The following MCM5 variants were observed in gnomAD, a reference collection of about 807,000 sequenced individuals.
MCM5 encodes DNA replication licensing factor MCM5.
MCM5 carries 46 observed loss-of-function variants against 79.9 expected under a neutral mutation model. The observed-to-expected ratio is 0.58, with a 90% CI of 0.45 to 0.74. The LOEUF is 0.74. Among genes scored for constraint, MCM5 ranks in the 30% least tolerant of loss-of-function variants. MCM5 has a pLI of 0.00. For missense variants in MCM5, 883 were observed against 1,017.0 expected, an observed-to-expected ratio of 0.87 and a Z score of 1.79; for synonymous variants, 404 against 390.5, an observed-to-expected ratio of 1.03 and a Z score of -0.41.
At chr22:35,403,831 TA>T (rs1932133930) in intron 4 of MCM5, among the ~76,000 whole-genome samples, 1 of 152,088 alleles carries the variant, frequency 6.6e-6, no homozygotes, top group Non-Finnish European at 1.5e-5. Flanking sequence ...AATTTTAAAG[TA>T]AATTCATGCA....
rs200883424 is a variant in MCM5, at chr22:35,415,884, G to C, written c.1259G>C (p.Arg420Thr). The C allele has an allele frequency of 1.0e-4, 162 of 1,614,134 alleles. No individual in the cohort carries two copies. Among genetic ancestry groups the C allele is most frequent in the East Asian group, 1.6e-4 (7 of 44,886 alleles). ...GCTGGACTGACAGCCTCGGTGATGA[G>C]GGACCCTTCGTCCCGGAATTTCATC... ...SAAGLTASVM[R>T]DPSSRNFIME... The change falls in exon 10 of 17, where the codon AGG becomes ACG. Residue 420 changes from arginine (R) to threonine (T), a missense_variant. Arg to Thr is a moderately conservative substitution (Grantham distance 71). Coordinates refer to ENST00000216122, the MANE Select transcript of MCM5 (RefSeq NM_006739.4).
At chr22:35,408,597 G>C in intron 6 of MCM5, 34 bp downstream of exon 6, 1 of 1,588,210 alleles carries the variant, frequency 6.3e-7, no homozygotes, top group Non-Finnish European at 8.6e-7. Flanking sequence ...GGGCATCTAC[G>C]ACGGTGGATG....
At chr22:35,404,111 C>T (rs1932143944) in intron 4 of MCM5, among the ~76,000 whole-genome samples, 2 of 151,790 alleles carry the variant, frequency 1.3e-5, no homozygotes, top group South Asian at 4.2e-4. Context: ...GACCCTGTCT[C>T]TAAAAATAAA....
chr22:35,405,755 A>G (rs1269700093), intron 4 of MCM5, among the ~76,000 whole-genome samples: 4 of 152,082 alleles, frequency 2.6e-5, no homozygotes, highest in Non-Finnish European at 4.4e-5. Flanking sequence ...CATGCCTGTA[A>G]TCCCAGCATT....
chr22:35,438,905 A>G, the MCM5 span, among the ~76,000 whole-genome samples: 1 of 149,574 alleles, frequency 6.7e-6, no homozygotes. Flanking sequence ...ATATCCATCC[A>G]TCCACTCACA....
At chr22:35,400,682 G>C in intron 2 of MCM5, 77 bp downstream of exon 2, 2 of 1,452,832 alleles carry the variant, frequency 1.4e-6, no homozygotes, top group Non-Finnish European at 1.8e-6. Flanking sequence ...CTAGAGTCCT[G>C]GACAGTCAGG....
chr22:35,407,362 C>G (rs1472689777), intron 5 of MCM5, among the ~76,000 whole-genome samples: 1 of 152,116 alleles, frequency 6.6e-6, no homozygotes, highest in Non-Finnish European at 1.5e-5. Flanking sequence ...CCTCCCTGAT[C>G]CCCCGCGTCC....
rs770444661 is a variant in MCM5, at chr22:35,421,284, C to T, written c.1833-34C>T. On this transcript the variant is annotated intron_variant, in intron 14 of 16. Coordinates refer to ENST00000216122, the MANE Select transcript of MCM5 (RefSeq NM_006739.4). ...GCTGGGGAGGAAGGGAATAGCGGAC[C>T]GAGGCTACCCTGAGCACGCTGTTGC... 16 of 1,597,956 alleles carry T rather than the reference C, an allele frequency of 1.0e-5. No homozygotes were observed. The East Asian group carries it at 1.3e-4, about 13-fold the overall frequency.
the MCM5 span, among the ~76,000 whole-genome samples, chr22:35,440,840 C>T: frequency 6.6e-6 from 1 of 152,128 alleles, no homozygotes; most frequent in East Asian, 1.9e-4. Context: ...GGCCAATCAC[C>T]TGAGGTCAGG....
chr22:35,410,905 G>A lies in MCM5; in HGVS notation c.914G>A (p.Gly305Asp). The A allele has an allele frequency of 1.3e-6, 2 of 1,595,514 alleles. No individual in the cohort carries two copies. The highest frequency in any genetic ancestry group is 1.7e-6 in the Non-Finnish European group (2 of 1,167,956). Residue 305 changes from glycine to aspartate, a missense_variant, in exon 7 of 17, where the codon GGC (glycine) becomes GAC (aspartate). By Grantham distance (94) the Gly-to-Asp change is moderately conservative. This residue lies in a region of MCM5 where 455 missense variants were observed against 517.5 expected (regional missense o/e 0.88). Coordinates refer to ENST00000216122, the MANE Select transcript of MCM5 (RefSeq NM_006739.4). The part of the protein sequence containing the change: ...RVLGIQVDTD[G>D]SGRSFAGAVS... Reference sequence around the variant, plus strand: ...CTGGGCATCCAGGTGGACACAGATGGCTCTGGTGAGTTGGCTTTGGGGTCC... The same window carrying A: ...CTGGGCATCCAGGTGGACACAGATGACTCTGGTGAGTTGGCTTTGGGGTCC...
chr22:35,405,089 G>C (rs1036112026), intron 4 of MCM5, among the ~76,000 whole-genome samples: 2 of 143,708 alleles, frequency 1.4e-5, no homozygotes, highest in African/African-American at 5.2e-5. Context: ...GCAGTGGCAC[G>C]ATCTCAGCTC....
At chr22:35,427,861 G>A (rs1932788021), downstream of MCM5, among the ~76,000 whole-genome samples, 1 of 152,022 alleles carries the variant, frequency 6.6e-6, no homozygotes, top group African/African-American at 2.4e-5. Context: ...ATATGAGGCA[G>A]TAAAGCACAG....
At chr22:35,449,551 G>A in the MCM5 span, among the ~76,000 whole-genome samples, 63,256 of 150,326 alleles carry the variant, frequency 0.42, 14,520 homozygotes, top group Middle Eastern at 0.55. Context: ...TGTCCCAACC[G>A]TGGCCTCTTT....
the MCM5 span, among the ~76,000 whole-genome samples, chr22:35,434,274 CT>C: frequency 6.6e-6 from 1 of 152,216 alleles, no homozygotes; most frequent in Admixed American, 6.5e-5. Flanking sequence ...AAAAAAAGCC[CT>C]TTTTTTCCCT....
chr22:35,445,325 C>CTTTTTTTTTT, the MCM5 span, among the ~76,000 whole-genome samples: 43 of 83,638 alleles, frequency 5.1e-4, 1 homozygote, highest in South Asian at 1.3e-3. Context: ...TTTGACTATG[C>CTTTTTTTTTT]TTTTTTTTTT....
At chr22:35,453,417 CAGAG>C in the MCM5 span, among the ~76,000 whole-genome samples, 1 of 151,346 alleles carries the variant, frequency 6.6e-6, no homozygotes, top group Non-Finnish European at 1.5e-5. Flanking sequence ...CAGAGTGATT[CAGAG>C]AGACACAGAG....
chr22:35,434,157 C>T, the MCM5 span, among the ~76,000 whole-genome samples: 1 of 152,188 alleles, frequency 6.6e-6, no homozygotes. Context: ...CTTCTGAATT[C>T]CACAGCTTCT....
intron 2 of MCM5, among the ~76,000 whole-genome samples, chr22:35,402,592 C>T (rs182393954): frequency 1.8e-4 from 27 of 151,074 alleles, no homozygotes; most frequent in East Asian, 5.8e-4. Context: ...CTCAGTCTGT[C>T]GCCCAGGCTG....
At position 35,403,474 on chromosome 22, in the gene MCM5, G is replaced by A; in HGVS notation, c.355G>A (p.Glu119Lys). Reference protein sequence around the residue: ...EVTRPRPSGEEVLQDIQVMLK... With the variant: ...EVTRPRPSGEKVLQDIQVMLK... ...GACCCGGCCCCGGCCTTCTGGGGAG[G>A]AGGTGCTCCAGGACATCCAGGTCAT... is the stretch of plus-strand genomic sequence containing the variant. Residue 119 changes from glutamate to lysine, a missense_variant, in exon 4 of 17, where the codon GAG becomes AAG. By Grantham distance (56) the Glu-to-Lys change is moderately conservative (BLOSUM62 1). This residue lies in a region of MCM5 where 455 missense variants were observed against 517.5 expected (regional missense o/e 0.88). Coordinates refer to ENST00000216122, the MANE Select transcript of MCM5 (RefSeq NM_006739.4). 2 of 1,614,186 alleles carry A rather than the reference G, an allele frequency of 1.2e-6. No homozygotes were observed. Among genetic ancestry groups the A allele is most frequent in the Non-Finnish European group, 1.7e-6 (2 of 1,180,038 alleles).
Sources: allele counts gnomAD v4.1 joint callset (sites outside exome capture counted in the v4.1 genomes callset), GRCh38; gene constraint gnomAD v4.1.1; regional missense constraint gnomAD v4.1.1; transcripts MANE v1.5; gene names NCBI Gene and HGNC (gene_info 2026-07-23, HGNC 2026-07-21).